FDFT1: variants seen among roughly 807,000 people sequenced by gnomAD.
FDFT1 encodes squalene synthase.
A neutral mutation model predicts 46.8 loss-of-function variants in FDFT1; 68 were observed. That is an observed-to-expected ratio of 1.45 (90% CI 1.19 to 1.78). FDFT1 has a LOEUF of 1.78. Ranked by LOEUF, FDFT1 falls within the 40% of genes most tolerant of loss-of-function variation. The pLI is 0.00. For synonymous variants in FDFT1, 351 were observed against 185.1 expected (o/e 1.90, Z -7.28); for missense variants, 928 against 524.4 (o/e 1.77, Z -7.52).
In FDFT1 at chr8:11,808,411, C is replaced by T. The variant is rs1420389844; in HGVS notation, c.100-383C>T. ...GCGGGGCGGGCCCGTTGTGGGTCGGCCCAGCGCGTATTCGAGTAGAGGGCG... is the reference window on the plus strand; with the variant it reads ...GCGGGGCGGGCCCGTTGTGGGTCGGTCCAGCGCGTATTCGAGTAGAGGGCG... On this transcript the variant is annotated intron_variant, in intron 1 of 7. Transcript: ENST00000220584. The T allele has an allele frequency of 5.6e-6, 7 of 1,254,540 alleles. No homozygotes were observed. In the African/African-American group the frequency reaches 6.2e-5, roughly 11 times the overall value. The allele number at this position is 1,254,540 out of a possible 1,614,324, so 77.7% of individuals were successfully genotyped here. A position where few individuals can be genotyped will look rare whatever the true frequency, so the allele number is the denominator to read the frequency against.
chr8:11,812,487 C>G (rs547078646), intron 3 of FDFT1, among the ~76,000 whole-genome samples: 1 of 152,100 alleles, frequency 6.6e-6, no homozygotes, highest in Non-Finnish European at 1.5e-5. Flanking sequence ...AGGGAAGAGC[C>G]TGGGATATGG....
chr8:11,801,110 G>A (rs1806074444), upstream of FDFT1, among the ~76,000 whole-genome samples: 1 of 152,194 alleles, frequency 6.6e-6, no homozygotes, highest in Non-Finnish European at 1.5e-5. Context: ...GAGGGGCACA[G>A]GAGTTAGTCA....
chr8:11,799,096 C>G (rs1156590206), upstream of FDFT1, among the ~76,000 whole-genome samples: 1 of 152,160 alleles, frequency 6.6e-6, no homozygotes, highest in Non-Finnish European at 1.5e-5. Flanking sequence ...AATATATGAC[C>G]CATATTCACT....
chr8:11,796,231 G>C (rs1387964470), intron 1 of FDFT1, among the ~76,000 whole-genome samples: 1 of 152,234 alleles, frequency 6.6e-6, no homozygotes, highest in African/African-American at 2.4e-5. Context: ...AATGGAAAAA[G>C]TGCTGTGTGA....
chr8:11,830,095 C>G, intron 5 of FDFT1, 149 bp from the exon 6 acceptor site: 2 of 667,664 alleles, frequency 3.0e-6, no homozygotes, highest in East Asian at 2.8e-5. Context: ...ATCCACCCTC[C>G]TCGGCCTCCC....
At chr8:11,802,476 G>T (rs1483063745), upstream of FDFT1, 2 of 476,128 alleles carry the variant, frequency 4.2e-6, no homozygotes, top group African/African-American at 3.9e-5. Flanking sequence ...GAAAACAAAG[G>T]CCCGGCTCCA....
chr8:11,822,648 T>A (rs527889614), intron 4 of FDFT1, among the ~76,000 whole-genome samples: 6 of 152,150 alleles, frequency 3.9e-5, no homozygotes, highest in Middle Eastern at 3.4e-3. Flanking sequence ...ACCCCGTCTT[T>A]CAAAAAATTA....
intron 4 of FDFT1, among the ~76,000 whole-genome samples, chr8:11,824,962 C>G (rs975840976): frequency 1.3e-5 from 2 of 152,180 alleles, no homozygotes; most frequent in Middle Eastern, 3.4e-3. Context: ...GTCTTGATCT[C>G]CTGATCTCGT....
chr8:11,826,853 G>A lies in FDFT1; in HGVS notation c.702+638G>A, dbSNP rs574395188. Among the ~76,000 whole-genome samples, 7 of 152,252 alleles carry A rather than the reference G, an allele frequency of 4.6e-5. 1 individual carries two copies. The highest frequency in any genetic ancestry group is 4.2e-4 in the South Asian group (2 of 4,816). ...GGGCTTGGTTCTTCTGCTCAGCCCT[G>A]AATCAGTTACTGTTGCTACACAGCT... On this transcript the variant is annotated intron_variant, in intron 5 of 7. Transcript: ENST00000220584.
At chr8:11,837,645 C>G (rs1181078941) in intron 7 of FDFT1, among the ~76,000 whole-genome samples, 1 of 152,052 alleles carries the variant, frequency 6.6e-6, no homozygotes, top group Non-Finnish European at 1.5e-5. Flanking sequence ...AGAGCTCAGG[C>G]TTTTTTTCTC....
At chr8:11,836,751 CT>C (rs1167963281) in intron 7 of FDFT1, among the ~76,000 whole-genome samples, 2 of 152,214 alleles carry the variant, frequency 1.3e-5, no homozygotes, top group Non-Finnish European at 2.9e-5. Context: ...ATTGAAAAGT[CT>C]TGGCTGGGTG....
chr8:11,825,960 C>G, intron 4 of FDFT1, 64 bp from the exon 5 acceptor site: 1 of 1,204,052 alleles, frequency 8.3e-7, no homozygotes, highest in Non-Finnish European at 1.1e-6. Context: ...AGCTAATGAT[C>G]TCTAGTGTGT....
chr8:11,816,309 C>A (rs960135265), intron 3 of FDFT1, among the ~76,000 whole-genome samples: 2 of 152,156 alleles, frequency 1.3e-5, no homozygotes, highest in Non-Finnish European at 2.9e-5. Flanking sequence ...CGTGATGCCT[C>A]CAGCTTTGTT....
At chr8:11,825,292 A>C (rs1809806755) in intron 4 of FDFT1, among the ~76,000 whole-genome samples, 1 of 152,098 alleles carries the variant, frequency 6.6e-6, no homozygotes, top group African/African-American at 2.4e-5. Flanking sequence ...TGGTAATCCC[A>C]GCACTTTGGG....
chr8:11,838,720 G>T lies in FDFT1; in HGVS notation c.*111G>T. The T allele has an allele frequency of 1.2e-6, 1 of 865,800 alleles. No homozygotes were observed. Among genetic ancestry groups the T allele is most frequent in the Non-Finnish European group, 1.9e-6 (1 of 529,866 alleles). The allele number at this position is 865,800 out of a possible 1,614,324, so 53.6% of individuals were successfully genotyped here. ...TTTCCTACTACTTTAATCCCTAAAAGAACGCTGTGTGGCTGGGACCTTTAG... is the reference window on the plus strand; with the variant it reads ...TTTCCTACTACTTTAATCCCTAAAATAACGCTGTGTGGCTGGGACCTTTAG... On this transcript the variant is annotated 3_prime_UTR_variant, in exon 8 of 8. Coordinates refer to ENST00000220584, the MANE Select transcript of FDFT1 (RefSeq NM_004462.5).
chr8:11,803,121 C>A, intron 1 of FDFT1, 190 bp downstream of exon 1: 1 of 1,429,044 alleles, frequency 7.0e-7, no homozygotes, highest in South Asian at 1.5e-5. Flanking sequence ...TCCTGGCTGA[C>A]CTGTCCCTGC....
chr8:11,825,698 A>T (rs987884343), intron 4 of FDFT1, among the ~76,000 whole-genome samples: 22 of 148,052 alleles, frequency 1.5e-4, no homozygotes, highest in Non-Finnish European at 2.4e-4. Context: ...AAAAAAAAAT[A>T]AAAAATAAAA....
At chr8:11,822,757 A>T (rs1433352159) in intron 4 of FDFT1, among the ~76,000 whole-genome samples, 1 of 152,226 alleles carries the variant, frequency 6.6e-6, no homozygotes, top group Non-Finnish European at 1.5e-5. Flanking sequence ...TGAAGGTTGC[A>T]GTGAGCCATG....
intron 3 of FDFT1, 51 bp downstream of exon 3, chr8:11,809,901 A>G (rs1399861108): frequency 7.0e-7 from 1 of 1,427,876 alleles, no homozygotes; most frequent in African/African-American, 1.4e-5. Context: ...CATAATTGCT[A>G]ACGTGGTTGT....
Sources: allele counts gnomAD v4.1 joint callset (sites outside exome capture counted in the v4.1 genomes callset), GRCh38; gene constraint gnomAD v4.1.1; transcripts MANE v1.5; gene names NCBI Gene and HGNC (gene_info 2026-07-23, HGNC 2026-07-21).